The following GRM1 variants were observed in gnomAD, a reference collection of about 807,000 sequenced individuals.
The protein encoded by GRM1 is metabotropic glutamate receptor 1.
GRM1 carries 33 observed loss-of-function variants against 90.9 expected under a neutral mutation model. The observed-to-expected ratio is 0.36, with a 90% CI of 0.28 to 0.49. GRM1 has a LOEUF of 0.49. GRM1 is among the 20% of genes least tolerant of loss of function. GRM1 has a pLI of 0.99. For missense variants in GRM1, 1,190 were observed against 1,534.3 expected (o/e 0.78, Z 3.75); for synonymous variants, 700 against 613.2 (o/e 1.14, Z -2.09).
intron 5 of GRM1, among the ~76,000 whole-genome samples, chr6:146,385,722 A>G (rs1366279006): frequency 4.6e-5 from 7 of 152,064 alleles, no homozygotes; most frequent in Admixed American, 3.3e-4. Context: ...TTAAAGCAAA[A>G]ATAATAATTC....
At chr6:146,146,866 A>C (rs1241018919) in intron 1 of GRM1, among the ~76,000 whole-genome samples, 1 of 152,148 alleles carries the variant, frequency 6.6e-6, no homozygotes, top group South Asian at 2.1e-4. Context: ...TAAATTACCC[A>C]GTTTCTGGTA....
chr6:146,419,288 G>C (rs1191148685), intron 7 of GRM1, among the ~76,000 whole-genome samples: 1 of 152,120 alleles, frequency 6.6e-6, no homozygotes, highest in African/African-American at 2.4e-5. Flanking sequence ...CTTTTGTTTT[G>C]GATAGCATGA....
intron 2 of GRM1, among the ~76,000 whole-genome samples, chr6:146,302,291 T>G (rs1351618388): frequency 6.7e-6 from 1 of 149,764 alleles, no homozygotes; most frequent in Middle Eastern, 3.2e-3. Flanking sequence ...CAGGCGTGCG[T>G]GCACACACAC....
intron 2 of GRM1, among the ~76,000 whole-genome samples, chr6:146,217,691 T>C (rs1433589254): frequency 6.6e-6 from 1 of 152,206 alleles, no homozygotes; most frequent in African/African-American, 2.4e-5. Context: ...TTGTGTGTTT[T>C]CAGCAAGAAT....
chr6:146,132,353 T>C (rs1404398107), intron 1 of GRM1, among the ~76,000 whole-genome samples: 1 of 152,116 alleles, frequency 6.6e-6, no homozygotes, highest in African/African-American at 2.4e-5. Context: ...TACATTAAGG[T>C]AAGATAATAC....
intron 2 of GRM1, among the ~76,000 whole-genome samples, chr6:146,215,270 G>T (rs939126744): frequency 6.6e-6 from 1 of 152,032 alleles, no homozygotes; most frequent in African/African-American, 2.4e-5. Context: ...CTTCTAATTT[G>T]GTCTCTTCCT....
chr6:146,161,836 T>C (rs1341451185), intron 2 of GRM1, among the ~76,000 whole-genome samples: 2 of 152,194 alleles, frequency 1.3e-5, no homozygotes, highest in Non-Finnish European at 2.9e-5. Flanking sequence ...CTCACAATTT[T>C]CTCTCCCTTC....
intron 1 of GRM1, among the ~76,000 whole-genome samples, chr6:146,050,838 G>T (rs551640835): frequency 7.2e-5 from 11 of 151,960 alleles, no homozygotes; most frequent in Non-Finnish European, 1.5e-4. Flanking sequence ...AAGGAATTCC[G>T]GTATTAGGCT....
chr6:146,038,825 TAAAC>T (rs1450657626), intron 1 of GRM1, among the ~76,000 whole-genome samples: 1 of 151,878 alleles, frequency 6.6e-6, no homozygotes. Flanking sequence ...AAAAAATCAA[TAAAC>T]AAATTGCTGA....
At chr6:146,270,821 G>T (rs1375953884) in intron 2 of GRM1, among the ~76,000 whole-genome samples, 1 of 135,450 alleles carries the variant, frequency 7.4e-6, no homozygotes, top group Non-Finnish European at 1.5e-5. Flanking sequence ...TTTTCTGTCT[G>T]CCTGCCTGCC....
At chr6:146,283,025 T>A (rs1782630698) in intron 2 of GRM1, among the ~76,000 whole-genome samples, 3 of 152,196 alleles carry the variant, frequency 2.0e-5, no homozygotes. Context: ...CAGTTGGTCT[T>A]GTCTCTTGCG....
chr6:146,118,683 C>G (rs902962201), intron 1 of GRM1, among the ~76,000 whole-genome samples: 1 of 152,196 alleles, frequency 6.6e-6, no homozygotes, highest in Non-Finnish European at 1.5e-5. Flanking sequence ...TGAGTGAGAA[C>G]ATGCGGTGCA....
chr6:146,386,845 T>A, intron 5 of GRM1, 45 bp from the exon 6 acceptor site: 1 of 1,516,146 alleles, frequency 6.6e-7, no homozygotes, highest in Non-Finnish European at 9.2e-7. Flanking sequence ...TAGAAGCTTT[T>A]CTGGGAAAAC....
intron 2 of GRM1, among the ~76,000 whole-genome samples, chr6:146,193,308 A>G (rs936682344): frequency 6.6e-6 from 1 of 152,186 alleles, no homozygotes; most frequent in African/African-American, 2.4e-5. Flanking sequence ...GAGATCATCA[A>G]GGTTGTGAGT....
chr6:146,049,950 A>G lies in GRM1; in HGVS notation c.700+19733A>G, dbSNP rs144344742. 2.5e-3 allele frequency among the ~76,000 whole-genome samples: 379 copies of G among 152,066 alleles called. 2 individuals are homozygous for G. The highest frequency in any genetic ancestry group is 8.7e-3 in the African/African-American group (362 of 41,524). On this transcript the variant is annotated intron_variant, in intron 1 of 7. Transcript: ENST00000282753. Reference sequence around the variant, plus strand: ...GTAAAAAGTGGCAGACGCAGGGTTCAAACCCAGTCAGTCTCATTCCAAAGG... The same window carrying G: ...GTAAAAAGTGGCAGACGCAGGGTTCGAACCCAGTCAGTCTCATTCCAAAGG...
chr6:146,080,163 G>C (rs768202317), intron 1 of GRM1, among the ~76,000 whole-genome samples: 2 of 152,186 alleles, frequency 1.3e-5, no homozygotes, highest in African/African-American at 2.4e-5. Flanking sequence ...ATGGTGATTT[G>C]ACTCTGTTAC....
At chr6:146,348,299 A>G (rs537298802) in intron 3 of GRM1, among the ~76,000 whole-genome samples, 7 of 152,276 alleles carry the variant, frequency 4.6e-5, no homozygotes, top group African/African-American at 1.7e-4. Context: ...CCTATAATAG[A>G]TTTTGTTTGT....
chr6:146,175,421 T>C (rs1414699539), intron 2 of GRM1, among the ~76,000 whole-genome samples: 2 of 152,200 alleles, frequency 1.3e-5, no homozygotes, highest in African/African-American at 4.8e-5. Context: ...TCTACTTTCC[T>C]TAAATGTCAT....
Position 146,389,462 on chromosome 6 carries a change from C to A in GRM1, c.1729+2446C>A, listed in dbSNP as rs541209280. ...ATGATGTAATAGTGGAACTCAAGGT[C>A]ATACCTTTTATTCCTTGGAGATGCT... On this transcript the variant is annotated intron_variant, in intron 6 of 7. Coordinates refer to ENST00000282753, the MANE Select transcript of GRM1 (RefSeq NM_001278064.2). 2.0e-5 allele frequency among the ~76,000 whole-genome samples: 3 copies of A among 152,130 alleles called. No individual in the cohort carries two copies. In the East Asian group the frequency reaches 5.8e-4, roughly 29 times the overall value.
Sources: gnomAD v4.1 joint callset for allele counts (sites outside exome capture counted in the v4.1 genomes callset) on GRCh38, gnomAD v4.1.1 for gene constraint, MANE v1.5 for transcripts, NCBI Gene and HGNC (gene_info 2026-07-23, HGNC 2026-07-21) for gene names.